The following NOL4 variants were observed in gnomAD, a reference collection of about 807,000 sequenced individuals.
NOL4 encodes nucleolar protein 4.
A neutral mutation model predicts 75.9 loss-of-function variants in NOL4; 17 were observed. The observed-to-expected ratio is 0.22, with a 90% CI of 0.15 to 0.34. NOL4 has a LOEUF of 0.34. NOL4 is among the 10% of genes least tolerant of loss of function. The probability of loss-of-function intolerance (pLI) is 1.00; values close to 1 mark genes in which losing one functional copy is unlikely to be tolerated. For missense variants in NOL4, 614 were observed against 793.5 expected (o/e 0.77, Z 2.72); for synonymous variants, 292 against 289.9 (o/e 1.01, Z -0.07).
intron 8 of NOL4, among the ~76,000 whole-genome samples, chr18:33,951,490 C>A (rs574232790): frequency 1.3e-5 from 2 of 152,096 alleles, no homozygotes; most frequent in South Asian, 4.2e-4. Context: ...GACTAATCTA[C>A]TTATCTGTTA....
At position 34,223,594 on chromosome 18, in the gene NOL4, A is replaced by C. The variant is rs1333552417; in HGVS notation, c.-341T>G. ...AGAGGAGCTGGGTTTTCAATAATTAAAATCCCATTCCTTGGTTTATTAAAA... is the reference window on the plus strand; with the variant it reads ...AGAGGAGCTGGGTTTTCAATAATTACAATCCCATTCCTTGGTTTATTAAAA... On this transcript the variant is annotated 5_prime_UTR_variant, in exon 1 of 11. Coordinates refer to ENST00000261592, the MANE Select transcript of NOL4 (RefSeq NM_003787.5). 1.1e-5 allele frequency: 3 copies of C among 270,424 alleles called. No individual in the cohort carries two copies. The highest frequency in any genetic ancestry group is 4.9e-5 in the Admixed American group (1 of 20,338). The allele number at this position is 270,424 out of a possible 1,614,324, so 16.8% of individuals were successfully genotyped here.
intron 6 of NOL4, among the ~76,000 whole-genome samples, chr18:34,002,267 C>G (rs938801255): frequency 2.0e-5 from 3 of 151,666 alleles, no homozygotes; most frequent in Non-Finnish European, 4.4e-5. Context: ...TTTCCAGTAG[C>G]CCCCCCATTC....
At chr18:34,002,325 A>G (rs2073772358) in intron 6 of NOL4, among the ~76,000 whole-genome samples, 1 of 152,006 alleles carries the variant, frequency 6.6e-6, no homozygotes, top group Non-Finnish European at 1.5e-5. Flanking sequence ...CAAACATGCC[A>G]TGCTTAGGCT....
At position 33,852,625 on chromosome 18, in the gene NOL4, A is replaced by G; in HGVS notation, c.*217T>C. 2.2e-6 allele frequency: 1 copy of G among 460,842 alleles called. No homozygotes were observed. The highest frequency in any genetic ancestry group is 3.5e-5 in the East Asian group (1 of 28,276). The allele number at this position is 460,842 out of a possible 1,614,324, so 28.5% of individuals were successfully genotyped here. A position where few individuals can be genotyped will look rare whatever the true frequency, so the allele number is the denominator to read the frequency against. On this transcript the variant is annotated 3_prime_UTR_variant, in exon 11 of 11. Transcript: ENST00000261592. The stretch of plus-strand genomic sequence containing the variant: ...GTGACACACTAAAACAAAAAGCAAT[A>G]GGCTGGACATACTAAAGTAGCTCAA...
At chr18:34,018,458 A>G (rs1374578408) in intron 6 of NOL4, among the ~76,000 whole-genome samples, 1 of 152,160 alleles carries the variant, frequency 6.6e-6, no homozygotes, top group Non-Finnish European at 1.5e-5. Flanking sequence ...AAATTCAGAA[A>G]TTAATCCAGA....
At chr18:34,178,049 A>T (rs2033705585) in intron 1 of NOL4, among the ~76,000 whole-genome samples, 1 of 151,894 alleles carries the variant, frequency 6.6e-6, no homozygotes, top group Admixed American at 6.6e-5. Context: ...TTCAATCATT[A>T]TAACCTTGTG....
chr18:34,163,692 A>T (rs1415179842), intron 1 of NOL4, among the ~76,000 whole-genome samples: 1 of 152,130 alleles, frequency 6.6e-6, no homozygotes, highest in Admixed American at 6.6e-5. Context: ...TTCAATGCCA[A>T]CCCCATCAAG....
intron 5 of NOL4, among the ~76,000 whole-genome samples, chr18:34,090,154 C>T (rs1048692752): frequency 2.6e-5 from 4 of 151,726 alleles, no homozygotes; most frequent in African/African-American, 7.3e-5. Context: ...TAGGAGAGTA[C>T]CATTGTCAGA....
At chr18:33,936,253 T>C (rs576811985) in intron 9 of NOL4, among the ~76,000 whole-genome samples, 1 of 152,226 alleles carries the variant, frequency 6.6e-6, no homozygotes, top group South Asian at 2.1e-4. Context: ...TCCAACTTAT[T>C]AGTATCCTAA....
intron 9 of NOL4, among the ~76,000 whole-genome samples, chr18:33,909,809 T>G (rs1314214377): frequency 6.6e-6 from 1 of 151,654 alleles, no homozygotes. Context: ...GAAGGAAGGA[T>G]AGGCAAGAGG....
chr18:33,999,143 G>GTTTT (rs543045505), intron 6 of NOL4, among the ~76,000 whole-genome samples: 1 of 133,590 alleles, frequency 7.5e-6, no homozygotes. Context: ...ATAATGCTGA[G>GTTTT]TTTTTTTTTT....
intron 6 of NOL4, among the ~76,000 whole-genome samples, chr18:33,958,886 T>C (rs562897501): frequency 2.6e-5 from 4 of 152,294 alleles, no homozygotes; most frequent in Non-Finnish European, 4.4e-5. Context: ...ACTTTATTAG[T>C]ATTCTTTAAA....
chr18:33,869,947 G>A (rs1308499322), intron 10 of NOL4, among the ~76,000 whole-genome samples: 1 of 152,080 alleles, frequency 6.6e-6, no homozygotes, highest in Non-Finnish European at 1.5e-5. Flanking sequence ...GAAAGGCAGG[G>A]TGGATGGATT....
At chr18:34,116,771 C>T (rs2079880063) in intron 2 of NOL4, among the ~76,000 whole-genome samples, 1 of 151,986 alleles carries the variant, frequency 6.6e-6, no homozygotes, top group Non-Finnish European at 1.5e-5. Context: ...GTAAGTTTAT[C>T]TCCTTAACTC....
chr18:33,960,033 A>C (rs1313221409), intron 6 of NOL4, among the ~76,000 whole-genome samples: 1 of 152,100 alleles, frequency 6.6e-6, no homozygotes, highest in African/African-American at 2.4e-5. Context: ...TCTTTAAACA[A>C]AATATTTTAT....
chr18:33,892,169 G>T (rs2065131843), intron 9 of NOL4, among the ~76,000 whole-genome samples: 1 of 152,048 alleles, frequency 6.6e-6, no homozygotes, highest in African/African-American at 2.4e-5. Context: ...AGTCGCTCAT[G>T]CCTGTAATCC....
At chr18:34,103,289 C>T (rs918740142) in intron 4 of NOL4, among the ~76,000 whole-genome samples, 1 of 151,994 alleles carries the variant, frequency 6.6e-6, no homozygotes, top group African/African-American at 2.4e-5. Context: ...ATGTACTAAG[C>T]ACCTATTGTA....
intron 1 of NOL4, among the ~76,000 whole-genome samples, chr18:34,190,347 G>T (rs2034824156): frequency 6.6e-6 from 1 of 151,894 alleles, no homozygotes; most frequent in Non-Finnish European, 1.5e-5. Flanking sequence ...AATTAAAATG[G>T]TCTCTTAAAA....
intron 6 of NOL4, among the ~76,000 whole-genome samples, chr18:34,009,509 C>T (rs892393759): frequency 9.9e-5 from 15 of 151,938 alleles, no homozygotes; most frequent in African/African-American, 2.9e-4. Flanking sequence ...ACAACCACTG[C>T]AGCAACTTCA....
Sources: allele counts gnomAD v4.1 joint callset (sites outside exome capture counted in the v4.1 genomes callset), GRCh38; gene constraint gnomAD v4.1.1; transcripts MANE v1.5; gene names NCBI Gene and HGNC (gene_info 2026-07-23, HGNC 2026-07-21).